Variants in JAK1 observed in about 807,000 individuals in gnomAD.
The protein encoded by JAK1 is Janus kinase 1, also known as tyrosine-protein kinase JAK1.
A neutral mutation model predicts 136.6 loss-of-function variants in JAK1; 16 were observed. That is an observed-to-expected ratio of 0.12 (90% confidence interval 0.08 to 0.18). JAK1 has a LOEUF of 0.18. JAK1 is among the 10% of genes least tolerant of loss of function. The probability of loss-of-function intolerance (pLI) is 1.00; values close to 1 mark genes in which losing one functional copy is unlikely to be tolerated. For synonymous variants in JAK1, 492 were observed against 519.5 expected (o/e 0.95, Z 0.72); for missense variants, 859 against 1,450.1 (o/e 0.59, Z 6.62).
chr1:64,952,078 T>A (rs1264128845), intron 1 of JAK1, among the ~76,000 whole-genome samples: 2 of 152,162 alleles, frequency 1.3e-5, no homozygotes, highest in African/African-American at 2.4e-5. Context: ...AAGGCCAATT[T>A]AACACATAAA....
At position 65,063,665 on chromosome 1, in the gene JAK1, C is replaced by T. The variant is rs539779512; in HGVS notation, c.-181+3939G>A. Among the ~76,000 whole-genome samples, 9 of 152,044 alleles carry T rather than the reference C, an allele frequency of 5.9e-5. No homozygotes were observed. In the East Asian group the frequency reaches 1.4e-3, roughly 23 times the overall value. ...CTAAAAATACAAAAAATCTGCCGGG[C>T]GTGGTGGCACACACCTGTAGTCCCA... is the stretch of plus-strand genomic sequence containing the variant. On this transcript the variant is annotated intron_variant, in intron 1 of 25. Transcript: ENST00000671954.
intron 1 of JAK1, among the ~76,000 whole-genome samples, chr1:64,906,256 T>C (rs1645188728): frequency 6.6e-6 from 1 of 150,858 alleles, no homozygotes; most frequent in South Asian, 2.1e-4. Flanking sequence ...ACTACACCAT[T>C]GCTCTCCAGC....
At chr1:64,896,219 G>C in intron 1 of JAK1, among the ~76,000 whole-genome samples, 1 of 152,234 alleles carries the variant, frequency 6.6e-6, no homozygotes, top group East Asian at 1.9e-4. Context: ...GCACAGTCCA[G>C]AGCATGCTTA....
chr1:64,961,382 A>G (rs963853990), intron 1 of JAK1, among the ~76,000 whole-genome samples: 1 of 152,198 alleles, frequency 6.6e-6, no homozygotes, highest in Non-Finnish European at 1.5e-5. Context: ...CACCCTTCAT[A>G]GAACTCTCAG....
chr1:64,908,820 G>T (rs1303700152), intron 1 of JAK1, among the ~76,000 whole-genome samples: 1 of 152,080 alleles, frequency 6.6e-6, no homozygotes, highest in African/African-American at 2.4e-5. Flanking sequence ...ATGCATAGGA[G>T]AAACTGTATA....
At chr1:65,038,387 C>T (rs764532938) in intron 2 of JAK1, among the ~76,000 whole-genome samples, 2 of 151,506 alleles carry the variant, frequency 1.3e-5, no homozygotes, top group Non-Finnish European at 2.9e-5. Flanking sequence ...TTAGTAGAGA[C>T]GGGGCTTCCC....
intron 1 of JAK1, among the ~76,000 whole-genome samples, chr1:64,897,693 C>T (rs1432365314): frequency 6.6e-6 from 1 of 151,578 alleles, no homozygotes; most frequent in Non-Finnish European, 1.5e-5. Context: ...CAAATGCCCC[C>T]TAAGGAGTCT....
intron 1 of JAK1, among the ~76,000 whole-genome samples, chr1:64,948,768 A>C (rs770341665): frequency 5.9e-5 from 9 of 152,234 alleles, no homozygotes; most frequent in East Asian, 1.9e-4. Flanking sequence ...GATAAAGCTT[A>C]TCTCTCCCAC....
rs1129739 is a variant in JAK1 at position 64,834,649 on chromosome 1, T to C, written c.3378A>G (p.Gln1126=). The C allele has an allele frequency of 1.0e-4, 163 of 1,605,514 alleles. No homozygotes were observed. In the East Asian group the frequency reaches 2.9e-3, roughly 28 times the overall value. The change falls in exon 25 of 25, where the codon CAA becomes CAG. Residue 1126 remains glutamine, a synonymous_variant. Coordinates refer to ENST00000342505, the MANE Select transcript of JAK1 (RefSeq NM_002227.4). ...CPPNCPDEVY[Q]LMRKCWEFQP... ...GGAATTCCCAGCATTTCCTCATAAG[T>C]TGATAAACCTGTAAAAAGAAAGAAG...
chr1:64,920,042 C>G (rs997120132), intron 1 of JAK1, among the ~76,000 whole-genome samples: 8 of 152,086 alleles, frequency 5.3e-5, no homozygotes. Flanking sequence ...AATCAAGTGA[C>G]AAATATGACC....
chr1:64,963,628 C>T (rs1428364343), intron 1 of JAK1, among the ~76,000 whole-genome samples: 1 of 152,140 alleles, frequency 6.6e-6, no homozygotes, highest in Non-Finnish European at 1.5e-5. Flanking sequence ...TTATGATTTG[C>T]ATAGCACGTC....
chr1:65,012,747 G>T (rs903790562), intron 2 of JAK1, among the ~76,000 whole-genome samples: 10 of 149,608 alleles, frequency 6.7e-5, no homozygotes, highest in African/African-American at 2.0e-4. Flanking sequence ...AGCCATGTTT[G>T]CACCATACCA....
At chr1:65,012,105 AGAC>A (rs1646854431) in intron 2 of JAK1, among the ~76,000 whole-genome samples, 1 of 152,214 alleles carries the variant, frequency 6.6e-6, no homozygotes, top group South Asian at 2.1e-4. Flanking sequence ...CTCAGCTGAG[AGAC>A]AACAGCTCTG....
chr1:64,848,669 G>A (rs922675565), intron 12 of JAK1, among the ~76,000 whole-genome samples: 3 of 152,118 alleles, frequency 2.0e-5, no homozygotes, highest in Admixed American at 6.5e-5. Flanking sequence ...TTTGGAAATC[G>A]AAATGGGATT....
chr1:64,928,789 A>AAAAAAAC (rs1553170018), intron 1 of JAK1, among the ~76,000 whole-genome samples: 38 of 123,180 alleles, frequency 3.1e-4, no homozygotes, highest in South Asian at 1.5e-3. Flanking sequence ...AAAAAAAAAA[A>AAAAAAAC]AAAAAAACAA....
intron 19 of JAK1, among the ~76,000 whole-genome samples, chr1:64,840,702 T>G (rs1374390370): frequency 6.6e-6 from 1 of 152,064 alleles, no homozygotes; most frequent in Non-Finnish European, 1.5e-5. Context: ...CATGGGGGCG[T>G]GTGCCTGTAG....
intron 2 of JAK1, chr1:64,989,947 A>G (rs1646639628): frequency 6.7e-6 from 1 of 149,866 alleles, no homozygotes; most frequent in South Asian, 2.1e-4. Context: ...AAAACTGAGA[A>G]AAGTATTTTT....
chr1:64,973,910 A>T (rs72677618), intron 2 of JAK1: 2 of 152,252 alleles, frequency 1.3e-5, no homozygotes, highest in Non-Finnish European at 2.9e-5. Flanking sequence ...GAATATATAT[A>T]TTTTTCCTTA....
intron 1 of JAK1, among the ~76,000 whole-genome samples, chr1:64,920,644 G>T (rs1280997438): frequency 3.3e-5 from 5 of 152,136 alleles, no homozygotes; most frequent in Non-Finnish European, 7.4e-5. Context: ...ATATACACTG[G>T]AGACAGCATG....
Sources: gnomAD v4.1 joint callset for allele counts (sites outside exome capture counted in the v4.1 genomes callset) on GRCh38, gnomAD v4.1.1 for gene constraint, MANE v1.5 for transcripts, NCBI Gene and HGNC (gene_info 2026-07-23, HGNC 2026-07-21) for gene names.